Variants in NRCAM observed in about 807,000 individuals in gnomAD.
The protein encoded by NRCAM is neuronal cell adhesion molecule, also known as NgCAM-related cell adhesion molecule.
NRCAM carries 83 observed loss-of-function variants against 156.5 expected under a neutral mutation model. The observed-to-expected ratio is 0.53, with a 90% CI of 0.44 to 0.64. The LOEUF is 0.64. Among genes scored for constraint, NRCAM ranks in the 30% least tolerant of loss-of-function variants. The pLI, the probability that NRCAM is intolerant of heterozygous loss-of-function variation, is 0.00. For synonymous variants in NRCAM, 538 were observed against 563.9 expected, an observed-to-expected ratio of 0.95 and a Z score of 0.65; for missense variants, 1,417 against 1,597.3, an observed-to-expected ratio of 0.89 and a Z score of 1.92.
chr7:108,252,553 C>T (rs1403593855), intron 3 of NRCAM, among the ~76,000 whole-genome samples: 2 of 152,074 alleles, frequency 1.3e-5, no homozygotes, highest in Admixed American at 1.3e-4. Context: ...AAAAAAATAC[C>T]CTTCCAGAAA....
intron 14 of NRCAM, 87 bp downstream of exon 14, chr7:108,197,869 A>G: frequency 1.0e-6 from 1 of 998,286 alleles, no homozygotes; most frequent in Admixed American, 3.0e-5. Flanking sequence ...CACATAGTAG[A>G]TGCTCAATAT....
intron 3 of NRCAM, among the ~76,000 whole-genome samples, chr7:108,269,025 T>G (rs2097228645): frequency 6.6e-6 from 1 of 152,102 alleles, no homozygotes; most frequent in Admixed American, 6.5e-5. Context: ...GTCATACAAT[T>G]GATAAGTGGC....
intron 2 of NRCAM, among the ~76,000 whole-genome samples, chr7:108,395,817 C>T (rs2099775168): frequency 6.6e-6 from 1 of 152,192 alleles, no homozygotes. Context: ...AATATGGTTG[C>T]ATTCTGTCCT....
rs1586507718 is a variant in NRCAM at position 108,176,689 on chromosome 7, A to C, written c.2975-83T>G. The C allele has an allele frequency of 1.8e-5, 19 of 1,070,570 alleles. No homozygotes were observed. The East Asian group carries it at 4.8e-4, about 27-fold the overall frequency. The allele number at this position is 1,070,570 out of a possible 1,614,324, so 66.3% of individuals were successfully genotyped here. ...TTATAAATAAATACGTCAACTAAAA[A>C]TGTTCAACCTGGCTTACATTGACTT... is the stretch of plus-strand genomic sequence containing the variant. On this transcript the variant is annotated intron_variant, in intron 26 of 32. Coordinates refer to ENST00000379028, the MANE Select transcript of NRCAM (RefSeq NM_001037132.4).
intron 1 of NRCAM, among the ~76,000 whole-genome samples, chr7:108,448,414 C>T (rs1323808469): frequency 1.3e-5 from 2 of 152,164 alleles, no homozygotes; most frequent in African/African-American, 4.8e-5. Context: ...ATGCTACTAA[C>T]ATCAGAAGAA....
At chr7:108,395,124 G>C (rs559696340) in intron 2 of NRCAM, among the ~76,000 whole-genome samples, 4 of 152,134 alleles carry the variant, frequency 2.6e-5, no homozygotes, top group African/African-American at 9.7e-5. Context: ...TATATTATGA[G>C]AAAATGTGAA....
intron 2 of NRCAM, among the ~76,000 whole-genome samples, chr7:108,314,316 G>A (rs1161936640): frequency 6.6e-6 from 1 of 152,072 alleles, no homozygotes; most frequent in African/African-American, 2.4e-5. Context: ...ATGTGTCAAT[G>A]GCCTTTCATT....
chr7:108,434,434 G>A (rs978299424), intron 1 of NRCAM, among the ~76,000 whole-genome samples: 7 of 152,072 alleles, frequency 4.6e-5, no homozygotes, highest in African/African-American at 1.7e-4. Flanking sequence ...CAAACACAGA[G>A]GGCTAGAAAA....
At chr7:108,200,078 A>G (rs934935735) in intron 13 of NRCAM, among the ~76,000 whole-genome samples, 1 of 152,212 alleles carries the variant, frequency 6.6e-6, no homozygotes, top group Non-Finnish European at 1.5e-5. Context: ...GCAGTTGTTC[A>G]ACACTCTGAT....
At chr7:108,222,175 G>C in intron 11 of NRCAM, among the ~76,000 whole-genome samples, 1 of 152,138 alleles carries the variant, frequency 6.6e-6, no homozygotes, top group East Asian at 1.9e-4. Flanking sequence ...ATGATATGAA[G>C]GTAAGAAGGA....
chr7:108,179,176 AC>A (rs2062185096), intron 25 of NRCAM, among the ~76,000 whole-genome samples: 1 of 152,218 alleles, frequency 6.6e-6, no homozygotes, highest in Non-Finnish European at 1.5e-5. Context: ...TATCTTGCAT[AC>A]AATTTTAGGA....
At chr7:108,445,496 G>A (rs1410334263) in intron 1 of NRCAM, among the ~76,000 whole-genome samples, 3 of 152,000 alleles carry the variant, frequency 2.0e-5, no homozygotes. Flanking sequence ...CATGTTTTTG[G>A]TGCAAAAAAT....
At chr7:108,238,582 A>G (rs2095299919) in intron 4 of NRCAM, among the ~76,000 whole-genome samples, 1 of 152,182 alleles carries the variant, frequency 6.6e-6, no homozygotes, top group Non-Finnish European at 1.5e-5. Context: ...AGTTAGCCAT[A>G]GGTGACTGTT....
At chr7:108,402,711 A>G (rs564349036) in intron 1 of NRCAM, among the ~76,000 whole-genome samples, 1 of 152,264 alleles carries the variant, frequency 6.6e-6, no homozygotes, top group East Asian at 1.9e-4. Flanking sequence ...AACTTCCCCA[A>G]CCACAGCCCA....
chr7:108,274,365 C>A (rs1471226014), intron 3 of NRCAM, among the ~76,000 whole-genome samples: 1 of 152,188 alleles, frequency 6.6e-6, no homozygotes, highest in African/African-American at 2.4e-5. Context: ...TTCCTCCTAT[C>A]CATGAGCATG....
At chr7:108,314,104 T>C (rs2098844473) in intron 2 of NRCAM, among the ~76,000 whole-genome samples, 1 of 152,176 alleles carries the variant, frequency 6.6e-6, no homozygotes, top group Non-Finnish European at 1.5e-5. Context: ...TGGCATCACG[T>C]GGAAAAAACT....
intron 1 of NRCAM, among the ~76,000 whole-genome samples, chr7:108,452,032 C>T (rs957533385): frequency 6.6e-6 from 1 of 152,214 alleles, no homozygotes; most frequent in Non-Finnish European, 1.5e-5. Flanking sequence ...CATTTAAAGA[C>T]AACCTGATAA....
At chr7:108,292,579 C>A (rs1413933747) in intron 3 of NRCAM, among the ~76,000 whole-genome samples, 3 of 152,118 alleles carry the variant, frequency 2.0e-5, no homozygotes, top group African/African-American at 7.2e-5. Context: ...TTTTGAGAGG[C>A]AATGCTTCCT....
intron 2 of NRCAM, among the ~76,000 whole-genome samples, chr7:108,337,896 C>T (rs544438971): frequency 3.9e-5 from 6 of 152,342 alleles, no homozygotes; most frequent in African/African-American, 1.2e-4. Flanking sequence ...CTTTCACTTG[C>T]TATTCTGTCC....
Sources: allele counts gnomAD v4.1 joint callset (sites outside exome capture counted in the v4.1 genomes callset), GRCh38; gene constraint gnomAD v4.1.1; transcripts MANE v1.5; gene names NCBI Gene and HGNC (gene_info 2026-07-23, HGNC 2026-07-21).